The following RECK variants were observed in gnomAD, a reference collection of about 807,000 sequenced individuals.
The protein encoded by RECK is reversion-inducing cysteine-rich protein with Kazal motifs.
In RECK, 69 loss-of-function variants were observed where a neutral mutation model predicts 115.1. The ratio of observed to expected loss-of-function variants is 0.60; its 90% CI spans 0.49 to 0.73. The LOEUF is 0.73. Among genes scored for constraint, RECK ranks in the 30% least tolerant of loss-of-function variants. RECK has a pLI of 0.00. For synonymous variants in RECK, 414 were observed against 419.7 expected, an observed-to-expected ratio of 0.99 and a Z score of 0.17; for missense variants, 1,047 against 1,203.7, an observed-to-expected ratio of 0.87 and a Z score of 1.93.
Position 36,105,216 on chromosome 9 carries a change from G to T in RECK, c.1509G>T (p.Glu503Asp). ...PCNPNPCPAN[E>D]LCEVNRKGCP... ...ACCCAAATCCTTGCCCTGCCAATGAGCTCTGTGAAGTAAACCGAAAAGGAT... is the reference window on the plus strand; with the variant it reads ...ACCCAAATCCTTGCCCTGCCAATGATCTCTGTGAAGTAAACCGAAAAGGAT... Residue 503 changes from glutamate to aspartate, a missense_variant, in exon 13 of 21, where the codon GAG becomes GAT. Physicochemically the swap from Glu to Asp is conservative, Grantham distance 45. Coordinates refer to ENST00000377966, the MANE Select transcript of RECK (RefSeq NM_021111.3). The T allele has an allele frequency of 6.2e-7, 1 of 1,614,038 alleles. No individual in the cohort carries two copies. The highest frequency in any genetic ancestry group is 1.1e-5 in the South Asian group (1 of 91,082).
chr9:36,123,976 T>C lies in RECK; in HGVS notation c.*931T>C, dbSNP rs1330379447. 1 of 152,690 alleles carries C rather than the reference T, an allele frequency of 6.5e-6. No homozygotes were observed. The highest frequency in any genetic ancestry group is 1.5e-5 in the Non-Finnish European group (1 of 68,048). 9.5% of individuals were successfully genotyped at this position (152,690 alleles called of 1,614,324 possible). A position where few individuals can be genotyped will look rare whatever the true frequency, so the allele number is the denominator to read the frequency against. ...CCATATTTGTAAAATGACAATCATG[T>C]GTGTTAACCCAGTGCTTTCCATTCG... On this transcript the variant is annotated 3_prime_UTR_variant, in exon 21 of 21. Transcript: ENST00000377966.
chr9:36,090,413 T>C (rs1823115849), intron 9 of RECK, among the ~76,000 whole-genome samples: 1 of 152,182 alleles, frequency 6.6e-6, no homozygotes, highest in African/African-American at 2.4e-5. Context: ...GTCATAGGGG[T>C]AAATATGACA....
Position 36,123,164 on chromosome 9 carries a change from C to A in RECK, c.*119C>A. 1.4e-6 allele frequency: 1 copy of A among 691,150 alleles called. No homozygotes were observed. Among genetic ancestry groups the A allele is most frequent in the South Asian group, 2.2e-5 (1 of 45,232 alleles). 42.8% of individuals were successfully genotyped at this position (691,150 alleles called of 1,614,324 possible). ...AGGAAAGGCACATGTCACCTCTATT[C>A]GCCACACAGTATTTTTTTTTTTAAT... On this transcript the variant is annotated 3_prime_UTR_variant, in exon 21 of 21. Transcript: ENST00000377966.
chr9:36,073,249 C>G (rs947983793), intron 6 of RECK, among the ~76,000 whole-genome samples: 3 of 146,884 alleles, frequency 2.0e-5, no homozygotes, highest in Non-Finnish European at 4.4e-5. Context: ...CAGACACACA[C>G]ACACACACAC....
Position 36,122,970 on chromosome 9 carries a change from C to A in RECK, c.2841C>A (p.Ala947=). The change falls in exon 21 of 21, where the codon GCC becomes GCA. Residue 947 remains alanine (A), a synonymous_variant. Transcript: ENST00000377966. The part of the protein sequence containing the change: ...SSSVPSAGVR[A]RPSCHSLLLP... ...GTGTGCCATCGGCCGGTGTCAGGGC[C>A]AGGCCTTCTTGCCACTCCCTCCTCC... 1.2e-6 allele frequency: 2 copies of A among 1,614,164 alleles called. No homozygotes were observed. Among genetic ancestry groups the A allele is most frequent in the Non-Finnish European group, 1.7e-6 (2 of 1,180,036 alleles).
chr9:36,087,595 CAA>C, intron 8 of RECK, 97 bp from the exon 9 acceptor site: 1 of 1,286,824 alleles, frequency 7.8e-7, no homozygotes, highest in Non-Finnish European at 1.1e-6. Flanking sequence ...ACCTATGTAA[CAA>C]ATCTGCACAT....
chr9:36,044,779 A>C (rs980333654), intron 1 of RECK, among the ~76,000 whole-genome samples: 1 of 152,224 alleles, frequency 6.6e-6, no homozygotes, highest in Non-Finnish European at 1.5e-5. Flanking sequence ...GGAAGTGGGC[A>C]TCAAGCATTT....
chr9:36,091,419 G>T, intron 10 of RECK, 76 bp downstream of exon 10: 2 of 1,092,578 alleles, frequency 1.8e-6, no homozygotes, highest in Non-Finnish European at 1.3e-6. Flanking sequence ...ACTTTATTCT[G>T]ATTTTATTCC....
At position 36,051,709 on chromosome 9, in the gene RECK, T is replaced by G. The variant is rs547136776; in HGVS notation, c.101-556T>G. 1.1e-3 allele frequency among the ~76,000 whole-genome samples: 173 copies of G among 152,296 alleles called. 2 individuals carry two copies. In the South Asian group the frequency reaches 0.034, roughly 30 times the overall value. Reference sequence around the variant, plus strand: ...TATGTTCTCTTCTCACTAGAAACTCTCCCTAGACAATATCATTCATTTCCA... The same window carrying G: ...TATGTTCTCTTCTCACTAGAAACTCGCCCTAGACAATATCATTCATTTCCA... On this transcript the variant is annotated intron_variant, in intron 1 of 20. Transcript: ENST00000377966.
At position 36,116,938 on chromosome 9, in the gene RECK, C is replaced by T. The variant is rs139807793; in HGVS notation, c.2061-47C>T. On this transcript the variant is annotated intron_variant, in intron 16 of 20. Coordinates refer to ENST00000377966, the MANE Select transcript of RECK (RefSeq NM_021111.3). ...ATCTAGTGCTTTGCTAGCCCCACCA[C>T]AGTCCCTCCCTACATTGGCTCATGG... is the stretch of plus-strand genomic sequence containing the variant. 2.0e-6 allele frequency: 3 copies of T among 1,507,902 alleles called. No individual in the cohort carries two copies. In the African/African-American group the frequency reaches 4.1e-5, roughly 21 times the overall value. The allele number at this position is 1,507,902 out of a possible 1,614,324, so 93.4% of individuals were successfully genotyped here. A position where few individuals can be genotyped will look rare whatever the true frequency, so the allele number is the denominator to read the frequency against.
intron 1 of RECK, among the ~76,000 whole-genome samples, chr9:36,044,953 T>TA (rs1358690264): frequency 6.6e-6 from 1 of 152,128 alleles, no homozygotes; most frequent in Non-Finnish European, 1.5e-5. Context: ...AAAGGTCTGT[T>TA]AAAAAAAGTA....
chr9:36,074,198 T>C (rs1264280981), intron 6 of RECK, among the ~76,000 whole-genome samples: 1 of 152,214 alleles, frequency 6.6e-6, no homozygotes, highest in Non-Finnish European at 1.5e-5. Context: ...CTTTGCATGC[T>C]TTATTATAGC....
At chr9:36,080,568 G>C (rs1822644672) in intron 6 of RECK, 37 bp from the exon 7 acceptor site, 1 of 1,532,836 alleles carries the variant, frequency 6.5e-7, no homozygotes, top group African/African-American at 1.4e-5. Flanking sequence ...CTCTCTGGTT[G>C]TTAATTTCTG....
chr9:36,062,578 A>G (rs1016544466), intron 4 of RECK, among the ~76,000 whole-genome samples: 2 of 152,040 alleles, frequency 1.3e-5, no homozygotes, highest in African/African-American at 4.8e-5. Flanking sequence ...CCTGGGTTCA[A>G]GCAGTTCTCC....
At chr9:36,078,972 T>A (rs970529285) in intron 6 of RECK, among the ~76,000 whole-genome samples, 1 of 152,150 alleles carries the variant, frequency 6.6e-6, no homozygotes, top group Non-Finnish European at 1.5e-5. Flanking sequence ...CTCGGCTCAC[T>A]GCAACCTCCG....
intron 20 of RECK, among the ~76,000 whole-genome samples, chr9:36,122,524 G>C (rs778177212): frequency 6.6e-6 from 1 of 151,876 alleles, no homozygotes; most frequent in South Asian, 2.1e-4. Context: ...GGCTGGTCTC[G>C]AACTCCTGGG....
intron 13 of RECK, among the ~76,000 whole-genome samples, chr9:36,107,327 C>T (rs892942064): frequency 1.3e-5 from 2 of 152,018 alleles, no homozygotes; most frequent in Admixed American, 6.6e-5. Context: ...CGGTAGCTCA[C>T]GCCTGTAATC....
At chr9:36,037,595 C>T (rs1015339862) in intron 1 of RECK, among the ~76,000 whole-genome samples, 1 of 151,802 alleles carries the variant, frequency 6.6e-6, no homozygotes, top group Non-Finnish European at 1.5e-5. Context: ...GGGCAGGAGA[C>T]ATTAAAAATC....
In RECK at chr9:36,115,172, G is replaced by A. The variant is rs541877239; in HGVS notation, c.2061-1813G>A. On this transcript the variant is annotated intron_variant, in intron 16 of 20. Coordinates refer to ENST00000377966, the MANE Select transcript of RECK (RefSeq NM_021111.3). ...TCTACTAAAAATATAAAAATTAGCT[G>A]GGCGTGGTGGCACACGCCTGTAATT... is the stretch of plus-strand genomic sequence containing the variant. Among the ~76,000 whole-genome samples, 6 of 151,932 alleles carry A rather than the reference G, an allele frequency of 3.9e-5. No individual in the cohort carries two copies. In the East Asian group the frequency reaches 1.2e-3, roughly 30 times the overall value.
Sources: allele counts gnomAD v4.1 joint callset (sites outside exome capture counted in the v4.1 genomes callset), GRCh38; gene constraint gnomAD v4.1.1; transcripts MANE v1.5; gene names NCBI Gene and HGNC (gene_info 2026-07-23, HGNC 2026-07-21).